The following DENND1B variants were observed in gnomAD, a reference collection of about 807,000 sequenced individuals.
DENND1B encodes the protein DENN domain containing 1B.
In DENND1B, 59 loss-of-function variants were observed where a neutral mutation model predicts 90.1. The ratio of observed to expected loss-of-function variants is 0.65; its 90% CI spans 0.53 to 0.81. The LOEUF is 0.81. Among genes scored for constraint, DENND1B ranks in the 40% least tolerant of loss-of-function variants. The probability of loss-of-function intolerance (pLI) is 0.00; values close to 1 mark genes in which losing one functional copy is unlikely to be tolerated. For missense variants in DENND1B, 862 were observed against 912.6 expected (o/e 0.94, Z 0.71); for synonymous variants, 337 against 324.6 (o/e 1.04, Z -0.41).
chr1:197,536,457 A>G (rs1205536577), intron 20 of DENND1B, among the ~76,000 whole-genome samples: 1 of 152,154 alleles, frequency 6.6e-6, no homozygotes, highest in African/African-American at 2.4e-5. Flanking sequence ...ACTGTTGGCC[A>G]CCAATTGGCT....
chr1:197,767,896 C>T (rs968929802), intron 2 of DENND1B, among the ~76,000 whole-genome samples: 9 of 152,264 alleles, frequency 5.9e-5, no homozygotes, highest in African/African-American at 1.9e-4. Flanking sequence ...CACCTATACA[C>T]GTGAAGTCAC....
In DENND1B at chr1:197,625,918, A is replaced by G. The variant is rs1038741083; in HGVS notation, c.673-8159T>C. On this transcript the variant is annotated intron_variant, in intron 10 of 22. Transcript: ENST00000620048. ...TTTAAACCAACAGAGATCAAAAGAG[A>G]CAAAGAGGGCCATTACATAATGGCA... Among the ~76,000 whole-genome samples the G allele has an allele frequency of 3.3e-5, 5 of 152,286 alleles. No individual in the cohort carries two copies. In the East Asian group the frequency reaches 7.7e-4, roughly 24 times the overall value.
intron 9 of DENND1B, among the ~76,000 whole-genome samples, chr1:197,644,192 A>C (rs1680530906): frequency 6.6e-6 from 1 of 152,216 alleles, no homozygotes; most frequent in Non-Finnish European, 1.5e-5. Context: ...TATTTCCTAT[A>C]ATCTAAAAGA....
At chr1:197,538,807 A>C (rs1359808527) in intron 20 of DENND1B, among the ~76,000 whole-genome samples, 1 of 151,944 alleles carries the variant, frequency 6.6e-6, no homozygotes, top group Non-Finnish European at 1.5e-5. Flanking sequence ...TAATGGTATT[A>C]AGAAGTGGGA....
At chr1:197,516,227 C>T (rs1213995535) in intron 20 of DENND1B, among the ~76,000 whole-genome samples, 4 of 151,734 alleles carry the variant, frequency 2.6e-5, no homozygotes, top group African/African-American at 9.7e-5. Context: ...GTTATCCATA[C>T]TTATTATACA....
chr1:197,595,577 G>A (rs189296060), intron 13 of DENND1B, among the ~76,000 whole-genome samples: 29 of 152,134 alleles, frequency 1.9e-4, no homozygotes, highest in Non-Finnish European at 3.1e-4. Flanking sequence ...AAGGCCTCTT[G>A]ACATAAATAA....
At chr1:197,738,787 T>C (rs1394718077) in intron 2 of DENND1B, among the ~76,000 whole-genome samples, 1 of 152,150 alleles carries the variant, frequency 6.6e-6, no homozygotes, top group African/African-American at 2.4e-5. Context: ...CATTAAACAA[T>C]TTTCAGACAT....
At chr1:197,651,069 A>G (rs1653106972) in intron 7 of DENND1B, among the ~76,000 whole-genome samples, 1 of 152,114 alleles carries the variant, frequency 6.6e-6, no homozygotes, top group East Asian at 1.9e-4. Context: ...TACCAAAGAA[A>G]ATACAATAAA....
chr1:197,509,477 G>A lies in DENND1B; in HGVS notation c.*983C>T, dbSNP rs746577169. Reference sequence around the variant, plus strand: ...TGTACCATAGTAACGTAAGATGTTAGTAACAGGGGTAGATGGGAACTCTCT... The same window carrying A: ...TGTACCATAGTAACGTAAGATGTTAATAACAGGGGTAGATGGGAACTCTCT... On this transcript the variant is annotated 3_prime_UTR_variant, in exon 23 of 23. Coordinates refer to ENST00000620048, the MANE Select transcript of DENND1B (RefSeq NM_001195215.2). 2.6e-5 allele frequency: 4 copies of A among 151,750 alleles called. No individual in the cohort carries two copies. Among genetic ancestry groups the A allele is most frequent in the Non-Finnish European group, 4.4e-5 (3 of 67,816 alleles). 9.4% of individuals were successfully genotyped at this position (151,750 alleles called of 1,614,324 possible).
chr1:197,738,115 T>C (rs866543544), intron 2 of DENND1B, among the ~76,000 whole-genome samples: 7 of 152,174 alleles, frequency 4.6e-5, no homozygotes, highest in African/African-American at 1.7e-4. Context: ...ACATTTCTTC[T>C]CCTCTCTGTC....
rs551926931 is a variant in DENND1B at position 197,621,747 on chromosome 1, A to C, written c.673-3988T>G. 8.8e-4 allele frequency among the ~76,000 whole-genome samples: 134 copies of C among 151,480 alleles called. 1 individual carries two copies. The highest frequency in any genetic ancestry group is 3.1e-3 in the African/African-American group (127 of 41,450). On this transcript the variant is annotated intron_variant, in intron 10 of 22. Transcript: ENST00000620048. Reference sequence around the variant, plus strand: ...AAGCAGAGAAAAGGGTAAAGGGAAGAATTTCCATGTTTCAGTTCAAACATA... The same window carrying C: ...AAGCAGAGAAAAGGGTAAAGGGAAGCATTTCCATGTTTCAGTTCAAACATA...
intron 2 of DENND1B, among the ~76,000 whole-genome samples, chr1:197,725,176 C>G (rs80243640): frequency 1.3e-5 from 2 of 152,124 alleles, no homozygotes; most frequent in East Asian, 1.9e-4. Context: ...AATGAAATTG[C>G]AAAGTATAAA....
chr1:197,672,087 A>C lies in DENND1B; in HGVS notation c.246T>G (p.Phe82Leu), dbSNP rs768871784. Residue 82 changes from phenylalanine (F) to leucine (L), a missense_variant, in exon 5 of 23, where the codon TTT becomes TTG. Transcript: ENST00000620048. ...CTCCTGACGTCAGTCTGCAGAATCC[A>C]AATCTCTGTTTACTTTCAATGTCTG... ...VLTDIESKQR[F>L]GFCRLTSGGT... 1 of 1,612,868 alleles carries C rather than the reference A, an allele frequency of 6.2e-7. No individual in the cohort carries two copies. The highest frequency in any genetic ancestry group is 8.5e-7 in the Non-Finnish European group (1 of 1,179,242).
At chr1:197,536,155 A>AGAT (rs1553278751) in intron 20 of DENND1B, among the ~76,000 whole-genome samples, 2 of 88,840 alleles carry the variant, frequency 2.3e-5, no homozygotes, top group African/African-American at 6.9e-5. Context: ...AGAGAGAGAG[A>AGAT]GAGATAGATG....
chr1:197,695,759 A>C (rs1658370203), intron 3 of DENND1B, among the ~76,000 whole-genome samples: 1 of 151,162 alleles, frequency 6.6e-6, no homozygotes, highest in African/African-American at 2.4e-5. Context: ...AAAAATATCC[A>C]ATTTTTAGAA....
intron 2 of DENND1B, among the ~76,000 whole-genome samples, chr1:197,767,200 T>G (rs1208820754): frequency 6.6e-6 from 1 of 152,046 alleles, no homozygotes. Flanking sequence ...AGAACTTACC[T>G]CAAGCAGGGC....
intron 2 of DENND1B, among the ~76,000 whole-genome samples, chr1:197,767,932 T>C (rs1655895882): frequency 2.0e-5 from 3 of 152,176 alleles, no homozygotes; most frequent in African/African-American, 7.2e-5. Context: ...AACACAGCAG[T>C]AGTTAAAATA....
intron 7 of DENND1B, 139 bp downstream of exon 7, chr1:197,652,096 T>C (rs762911919): frequency 1.2e-5 from 8 of 646,764 alleles, no homozygotes; most frequent in Non-Finnish European, 2.2e-5. Context: ...TATTATCACC[T>C]TGTTATGTTA....
intron 10 of DENND1B, among the ~76,000 whole-genome samples, chr1:197,629,543 G>C (rs1220616521): frequency 7.8e-6 from 1 of 128,102 alleles, no homozygotes; most frequent in African/African-American, 2.9e-5. Flanking sequence ...CGGGGGAGGG[G>C]GGAGGGGTAA....
Sources: gnomAD v4.1 joint callset for allele counts (sites outside exome capture counted in the v4.1 genomes callset) on GRCh38, gnomAD v4.1.1 for gene constraint, MANE v1.5 for transcripts, NCBI Gene and HGNC (gene_info 2026-07-23, HGNC 2026-07-21) for gene names.